Variants in CPEB4 observed in about 807,000 individuals in gnomAD.
CPEB4 encodes cytoplasmic polyadenylation element-binding protein 4.
A neutral mutation model predicts 72.5 loss-of-function variants in CPEB4; 12 were observed. The ratio of observed to expected loss-of-function variants is 0.17; its 90% CI spans 0.11 to 0.27. CPEB4 has a LOEUF of 0.27. Among genes scored for constraint, CPEB4 ranks in the 10% least tolerant of loss-of-function variants. The probability of loss-of-function intolerance (pLI) is 1.00; values close to 1 mark genes in which losing one functional copy is unlikely to be tolerated. For missense variants in CPEB4, 614 were observed against 908.5 expected, an observed-to-expected ratio of 0.68 and a Z score of 4.17; for synonymous variants, 302 against 326.3, an observed-to-expected ratio of 0.93 and a Z score of 0.80.
At chr5:173,945,882 C>T (rs978337164) in intron 5 of CPEB4, among the ~76,000 whole-genome samples, 4 of 152,168 alleles carry the variant, frequency 2.6e-5, no homozygotes, top group Non-Finnish European at 4.4e-5. Flanking sequence ...GCTATTCATC[C>T]GTGGGTCTGA....
chr5:173,890,874 AT>A lies in CPEB4; in HGVS notation c.1125+18del. On this transcript the variant is annotated intron_variant, in intron 1 of 9. Coordinates refer to ENST00000265085, the MANE Select transcript of CPEB4 (RefSeq NM_030627.4). Reference sequence around the variant, plus strand: ...TCCTTTTCCGGTAAGATTATGTTCCATTAATAGATTAGGATGAATAAGGAAA... The same window carrying A: ...TCCTTTTCCGGTAAGATTATGTTCCATAATAGATTAGGATGAATAAGGAAA... 1 of 1,585,886 alleles carries A rather than the reference AT, an allele frequency of 6.3e-7. No homozygotes were observed. Among genetic ancestry groups the A allele is most frequent in the African/African-American group, 1.3e-5 (1 of 74,368 alleles).
Position 173,955,332 on chromosome 5 carries a change from C to T in CPEB4, c.1963-578C>T, listed in dbSNP as rs1758345970. The stretch of plus-strand genomic sequence containing the variant: ...GGGTTTTAGACTGTGAATCCTATGG[C>T]TGCATCTTTTTTTTTTTTTTTAACA... On this transcript the variant is annotated intron_variant, in intron 9 of 9. Transcript: ENST00000265085. This position sits in a 1 kb window ranked among gnomAD's most constrained non-coding sequence, Gnocchi z 4.7. Among the ~76,000 whole-genome samples the T allele has an allele frequency of 6.6e-6, 1 of 151,564 alleles. No individual in the cohort carries two copies. Among genetic ancestry groups the T allele is most frequent in the Admixed American group, 6.6e-5 (1 of 15,230 alleles).
At chr5:173,912,604 C>G (rs1756701289) in intron 2 of CPEB4, among the ~76,000 whole-genome samples, 1 of 150,888 alleles carries the variant, frequency 6.6e-6, no homozygotes, top group Non-Finnish European at 1.5e-5. Flanking sequence ...AAACACAGAC[C>G]CTGTCTTTAT....
intron 1 of CPEB4, among the ~76,000 whole-genome samples, chr5:173,902,900 A>G (rs1271299598): frequency 6.6e-6 from 1 of 152,198 alleles, no homozygotes; most frequent in Non-Finnish European, 1.5e-5. Flanking sequence ...TTTTCTGATG[A>G]TGTGACTTGA....
At chr5:173,916,099 A>T (rs143953142) in intron 2 of CPEB4, among the ~76,000 whole-genome samples, 1 of 152,270 alleles carries the variant, frequency 6.6e-6, no homozygotes, top group Admixed American at 6.5e-5. Flanking sequence ...TTCACTAGAA[A>T]GCCAAAATGA....
intron 3 of CPEB4, among the ~76,000 whole-genome samples, chr5:173,935,748 T>C (rs1757598388): frequency 7.1e-6 from 1 of 141,546 alleles, no homozygotes; most frequent in African/African-American, 2.7e-5. Flanking sequence ...CTCACCAGCC[T>C]CTTATTGGAA....
Position 173,950,836 on chromosome 5 carries a change from A to G in CPEB4, c.1665+758A>G, listed in dbSNP as rs1181728167. ...ATCGTGTATATACATGTACAGGTAC[A>G]TTGCATACTGTTTTTTCTTTCTGGA... On this transcript the variant is annotated intron_variant, in intron 7 of 9. Coordinates refer to ENST00000265085, the MANE Select transcript of CPEB4 (RefSeq NM_030627.4). The surrounding 1 kb of genome is among the most constrained non-coding windows in gnomAD (Gnocchi z 5.0). Among the ~76,000 whole-genome samples, 1 of 152,188 alleles carries G rather than the reference A, an allele frequency of 6.6e-6. No homozygotes were observed. The highest frequency in any genetic ancestry group is 1.5e-5 in the Non-Finnish European group (1 of 68,036).
At chr5:173,931,330 T>A (rs763230143) in intron 2 of CPEB4, among the ~76,000 whole-genome samples, 2 of 152,226 alleles carry the variant, frequency 1.3e-5, no homozygotes, top group Non-Finnish European at 2.9e-5. Flanking sequence ...AACCTCTGTT[T>A]ATCCGTTATT....
rs1330125899 is a variant in CPEB4 at position 173,950,537 on chromosome 5, G to A, written c.1665+459G>A. On this transcript the variant is annotated intron_variant, in intron 7 of 9. Transcript: ENST00000265085. The surrounding 1 kb of genome is among the most constrained non-coding windows in gnomAD (Gnocchi z 5.0). ...GGACAATCACCTGAACCCAGGAGGC[G>A]GAGGTTGCAGTGAGCAGAGATTGCA... Among the ~76,000 whole-genome samples the A allele has an allele frequency of 3.3e-5, 5 of 152,006 alleles. No individual in the cohort carries two copies. Among genetic ancestry groups the A allele is most frequent in the South Asian group, 4.1e-4 (2 of 4,822 alleles).
chr5:173,891,137 T>C (rs1395470569), intron 1 of CPEB4, among the ~76,000 whole-genome samples: 1 of 152,228 alleles, frequency 6.6e-6, no homozygotes, highest in Non-Finnish European at 1.5e-5. Context: ...ATACCTTTCT[T>C]GCCTGACATG....
In CPEB4 at chr5:173,889,482, C is replaced by T. The variant is rs1755725751; in HGVS notation, c.-252C>T. The T allele has an allele frequency of 1.4e-5, 5 of 368,034 alleles. No individual in the cohort carries two copies. The highest frequency in any genetic ancestry group is 2.4e-5 in the Non-Finnish European group (5 of 205,518). The allele number at this position is 368,034 out of a possible 1,614,324, so 22.8% of individuals were successfully genotyped here. On this transcript the variant is annotated 5_prime_UTR_variant, in exon 1 of 10. Coordinates refer to ENST00000265085, the MANE Select transcript of CPEB4 (RefSeq NM_030627.4). ...TTTTTACCCTCTTCATTTTTATTCC[C>T]TCCTAAAAATAAGCCCAATTGGATC...
In CPEB4 at chr5:173,922,262, G is replaced by C. The variant is rs1481776752; in HGVS notation, c.1208-10188G>C. On this transcript the variant is annotated intron_variant, in intron 2 of 9. Transcript: ENST00000265085. ...TCTTTCTTTTTTGAGACAGGGTCTA[G>C]CTCTGTTGTCCATCCTGGAGTGCAG... is the stretch of plus-strand genomic sequence containing the variant. 2.0e-5 allele frequency among the ~76,000 whole-genome samples: 3 copies of C among 151,882 alleles called. No homozygotes were observed. The East Asian group carries it at 5.8e-4, about 29-fold the overall frequency.
At chr5:173,891,551 C>G (rs558105208) in intron 1 of CPEB4, 4 of 152,116 alleles carry the variant, frequency 2.6e-5, no homozygotes, top group African/African-American at 9.7e-5. Context: ...ATGCCTTTCA[C>G]CCGTTTGTTT....
At chr5:173,941,177 G>C (rs113423163) in intron 3 of CPEB4, among the ~76,000 whole-genome samples, 2,253 of 152,196 alleles carry the variant, frequency 0.015, 18 homozygotes, top group Non-Finnish European at 0.02. Context: ...TTTTCAAATC[G>C]TTACTTTGTT....
At chr5:173,912,918 CAAAAAAAAAA>C (rs397959791) in intron 2 of CPEB4, among the ~76,000 whole-genome samples, 1 of 89,002 alleles carries the variant, frequency 1.1e-5, no homozygotes, top group Non-Finnish European at 2.4e-5. Flanking sequence ...GACCCTGTCT[CAAAAAAAAAA>C]AAAAAAAAAA....
At chr5:173,912,778 T>TAAA (rs879274759) in intron 2 of CPEB4, among the ~76,000 whole-genome samples, 1 of 139,194 alleles carries the variant, frequency 7.2e-6, no homozygotes, top group African/African-American at 2.6e-5. Flanking sequence ...TACAAACATT[T>TAAA]AAAAAAAAAA....
At chr5:173,936,691 A>G (rs985884716) in intron 3 of CPEB4, among the ~76,000 whole-genome samples, 3 of 152,200 alleles carry the variant, frequency 2.0e-5, no homozygotes, top group African/African-American at 7.2e-5. Flanking sequence ...CCTCTGGAGT[A>G]TCTTGGCTTA....
Position 173,890,125 on chromosome 5 carries a change from A to G in CPEB4, c.392A>G (p.Glu131Gly). Residue 131 changes from glutamate (E) to glycine (G), a missense_variant, in exon 1 of 10, where the codon GAG becomes GGG. Transcript: ENST00000265085. ...DNSSENGNGK[E>G]KIRIESPVLT... ...TCTTCGGAAAATGGCAATGGGAAGG[A>G]GAAAATAAGGATCGAATCTCCAGTG... 6.2e-7 allele frequency: 1 copy of G among 1,614,210 alleles called. No individual in the cohort carries two copies. Among genetic ancestry groups the G allele is most frequent in the East Asian group, 2.2e-5 (1 of 44,890 alleles).
At chr5:173,932,012 G>A (rs1757464634) in intron 2 of CPEB4, among the ~76,000 whole-genome samples, 1 of 152,150 alleles carries the variant, frequency 6.6e-6, no homozygotes, top group South Asian at 2.1e-4. Context: ...CCCCAAACCT[G>A]AAATTAAACC....
Sources: allele counts gnomAD v4.1 joint callset (sites outside exome capture counted in the v4.1 genomes callset), GRCh38; gene constraint gnomAD v4.1.1; non-coding constraint Gnocchi (gnomAD v3.1); transcripts MANE v1.5; gene names NCBI Gene and HGNC (gene_info 2026-07-23, HGNC 2026-07-21).